Variants in RAPGEF4 observed in about 807,000 individuals in gnomAD.
The protein encoded by RAPGEF4 is RAP guanine-nucleotide-exchange factor (GEF) 4.
RAPGEF4 carries 66 observed loss-of-function variants against 147.9 expected under a neutral mutation model. That is an observed-to-expected ratio of 0.45 (90% CI 0.37 to 0.55). RAPGEF4 has a LOEUF of 0.55. Among genes scored for constraint, RAPGEF4 ranks in the 20% least tolerant of loss-of-function variants. The pLI, the probability that RAPGEF4 is intolerant of heterozygous loss-of-function variation, is 0.00. For missense variants in RAPGEF4, 1,071 were observed against 1,257.3 expected, an observed-to-expected ratio of 0.85 and a Z score of 2.24; for synonymous variants, 419 against 442.7, an observed-to-expected ratio of 0.95 and a Z score of 0.67.
chr2:172,907,031 G>A (rs1471118531), intron 4 of RAPGEF4, among the ~76,000 whole-genome samples: 1 of 152,174 alleles, frequency 6.6e-6, no homozygotes, highest in Non-Finnish European at 1.5e-5. Flanking sequence ...AGGGCTCAAG[G>A]CTTGTTCAGC....
chr2:173,037,687 T>C (rs746950080), intron 29 of RAPGEF4, among the ~76,000 whole-genome samples: 2 of 151,646 alleles, frequency 1.3e-5, no homozygotes, highest in Non-Finnish European at 2.9e-5. Context: ...CGGTCATGAA[T>C]TGCAGTGTGA....
At chr2:172,897,474 C>T (rs549360273) in intron 4 of RAPGEF4, among the ~76,000 whole-genome samples, 10 of 152,212 alleles carry the variant, frequency 6.6e-5, no homozygotes, top group East Asian at 3.9e-4. Context: ...TCATGGCTTA[C>T]GGCAGCCTTG....
intron 23 of RAPGEF4, among the ~76,000 whole-genome samples, chr2:173,022,709 C>T (rs1696229124): frequency 1.3e-5 from 2 of 152,304 alleles, no homozygotes; most frequent in South Asian, 4.1e-4. Flanking sequence ...ATGAGACTAA[C>T]ACAAGCAGCC....
chr2:173,005,520 G>GTTTTTTTTTTTTTTTTTTTTTTTTTTTTT (rs573596077), intron 17 of RAPGEF4, among the ~76,000 whole-genome samples: 4 of 86,736 alleles, frequency 4.6e-5, no homozygotes, highest in Non-Finnish European at 6.3e-5. Flanking sequence ...GTTGTTTTGT[G>GTTTTTTTTTTTTTTTTTTTTTTTTTTTTT]TTTTTTTTTT....
chr2:172,866,550 T>A (rs568602191), intron 4 of RAPGEF4, among the ~76,000 whole-genome samples: 1 of 152,294 alleles, frequency 6.6e-6, no homozygotes, highest in African/African-American at 2.4e-5. Context: ...TTCATTGCTG[T>A]GGCTTCCGTT....
At chr2:172,935,409 G>A (rs1686455613) in intron 6 of RAPGEF4, among the ~76,000 whole-genome samples, 3 of 152,142 alleles carry the variant, frequency 2.0e-5, no homozygotes, top group Non-Finnish European at 2.9e-5. Context: ...GTGTAGGTGG[G>A]ATACACAGCT....
At chr2:172,784,146 G>A (rs763055503) in intron 1 of RAPGEF4, among the ~76,000 whole-genome samples, 1 of 152,096 alleles carries the variant, frequency 6.6e-6, no homozygotes, top group African/African-American at 2.4e-5. Context: ...AACTTTGTGT[G>A]TGCAGGGACC....
At chr2:172,764,437 C>A (rs1696637914) in intron 1 of RAPGEF4, among the ~76,000 whole-genome samples, 1 of 152,170 alleles carries the variant, frequency 6.6e-6, no homozygotes, top group Non-Finnish European at 1.5e-5. Context: ...TGGAGTCCTA[C>A]CATAGGTGAG....
At chr2:172,814,743 A>T (rs1420086615) in intron 4 of RAPGEF4, 1 of 334,074 alleles carries the variant, frequency 3.0e-6, no homozygotes, top group Non-Finnish European at 5.8e-6. Context: ...ACCAGGGAAC[A>T]AAATACTTTG....
chr2:172,736,303 C>G (rs1693761981), intron 1 of RAPGEF4: 1 of 294,394 alleles, frequency 3.4e-6, no homozygotes, highest in East Asian at 5.7e-5. Context: ...GAGCACCCAC[C>G]TCTCCAACCC....
At chr2:173,051,534 G>C in intron 30 of RAPGEF4, 106 bp from the exon 31 acceptor site, 1 of 1,259,958 alleles carries the variant, frequency 7.9e-7, no homozygotes, top group Non-Finnish European at 1.1e-6. Context: ...GGTCTTGAGG[G>C]AACCCAGGAA....
intron 4 of RAPGEF4, among the ~76,000 whole-genome samples, chr2:172,822,166 CA>C (rs1341134736): frequency 6.6e-6 from 1 of 152,014 alleles, no homozygotes; most frequent in African/African-American, 2.4e-5. Flanking sequence ...TGTGTGGGGC[CA>C]GGGGGTGAGT....
intron 4 of RAPGEF4, among the ~76,000 whole-genome samples, chr2:172,897,761 T>TTTATTTTA (rs1553523328): frequency 2.0e-5 from 3 of 151,380 alleles, no homozygotes; most frequent in African/African-American, 4.9e-5. Flanking sequence ...TTTATTTTAT[T>TTTATTTTA]TTATTTATTT....
At chr2:173,034,006 T>A in intron 27 of RAPGEF4, 42 bp downstream of exon 27, 1 of 1,547,254 alleles carries the variant, frequency 6.5e-7, no homozygotes, top group Non-Finnish European at 8.8e-7. Flanking sequence ...CTGTCTACAT[T>A]AATCCAATTT....
intron 27 of RAPGEF4, among the ~76,000 whole-genome samples, 163 bp downstream of exon 27, chr2:173,034,127 G>A (rs1454687256): frequency 3.9e-5 from 6 of 152,186 alleles, no homozygotes; most frequent in African/African-American, 9.7e-5. Flanking sequence ...TCTGACTAAT[G>A]AATGGCACCC....
chr2:172,758,094 G>T (rs1695947144), intron 1 of RAPGEF4, among the ~76,000 whole-genome samples: 1 of 152,290 alleles, frequency 6.6e-6, no homozygotes, highest in African/African-American at 2.4e-5. Context: ...TATTAAATAG[G>T]GTGGGCAGAA....
At chr2:172,813,606 T>C (rs1688223440) in intron 3 of RAPGEF4, among the ~76,000 whole-genome samples, 1 of 146,310 alleles carries the variant, frequency 6.8e-6, no homozygotes, top group Admixed American at 6.8e-5. Context: ...TCCACCACTC[T>C]GACCCTCAGT....
chr2:172,938,661 G>C, intron 6 of RAPGEF4, among the ~76,000 whole-genome samples: 1 of 151,952 alleles, frequency 6.6e-6, no homozygotes, highest in Non-Finnish European at 1.5e-5. Context: ...TTCCATCCTG[G>C]GATACCCTAA....
chr2:172,865,818 A>G (rs1380474253), intron 4 of RAPGEF4, among the ~76,000 whole-genome samples: 1 of 152,038 alleles, frequency 6.6e-6, no homozygotes, highest in African/African-American at 2.4e-5. Flanking sequence ...GGCATTGCAA[A>G]TACTGGCAAT....
Sources: allele counts gnomAD v4.1 joint callset (sites outside exome capture counted in the v4.1 genomes callset), GRCh38; gene constraint gnomAD v4.1.1; transcripts MANE v1.5; gene names NCBI Gene and HGNC (gene_info 2026-07-23, HGNC 2026-07-21).